Variants in ZC3H13 observed in about 807,000 individuals in gnomAD.
The protein encoded by ZC3H13 is zinc finger CCCH domain-containing protein 13.
Under a neutral mutation model 204.1 loss-of-function variants are expected in ZC3H13, and 64 were observed. The observed-to-expected ratio is 0.31, with a 90% CI of 0.26 to 0.39. The LOEUF is 0.39. Among genes scored for constraint, ZC3H13 ranks in the 10% least tolerant of loss-of-function variants. The probability of loss-of-function intolerance (pLI) is 1.00; values close to 1 mark genes in which losing one functional copy is unlikely to be tolerated. For missense variants in ZC3H13, 1,833 were observed against 2,082.7 expected, an observed-to-expected ratio of 0.88 and a Z score of 2.33; for synonymous variants, 667 against 693.7, an observed-to-expected ratio of 0.96 and a Z score of 0.60.
intron 14 of ZC3H13, 94 bp downstream of exon 14, chr13:45,968,654 A>G: frequency 1.4e-6 from 2 of 1,468,406 alleles, no homozygotes; most frequent in East Asian, 4.7e-5. Flanking sequence ...GGCAGCATGT[A>G]AAGTAACCAA....
intron 15 of ZC3H13, among the ~76,000 whole-genome samples, chr13:45,965,971 C>T (rs533483007): frequency 6.6e-6 from 1 of 152,236 alleles, no homozygotes; most frequent in South Asian, 2.1e-4. Context: ...CTCTCAACAT[C>T]TCAATTCCTC....
chr13:46,003,266 C>A lies in ZC3H13; in HGVS notation c.817G>T (p.Asp273Tyr), dbSNP rs1211244895. The change falls in exon 8 of 19, where the codon GAT becomes TAT. Residue 273 changes from aspartate to tyrosine, a missense_variant. Transcript: ENST00000679008. ...TPSPPPPIPE[D>Y]IALGKKYKEK... ...TTGTATTTTTTCCCCAGAGCGATAT[C>A]TTCTGGTATAGGAGGGGGTGGACTA... 1 of 1,612,932 alleles carries A rather than the reference C, an allele frequency of 6.2e-7. No individual in the cohort carries two copies. Among genetic ancestry groups the A allele is most frequent in the African/African-American group, 1.3e-5 (1 of 74,870 alleles).
At chr13:46,023,461 C>T (rs192473821) in intron 4 of ZC3H13, among the ~76,000 whole-genome samples, 2 of 152,236 alleles carry the variant, frequency 1.3e-5, no homozygotes, top group Admixed American at 1.3e-4. Context: ...GCCCTTTCTT[C>T]ATCATTCTGT....
intron 11 of ZC3H13, 44 bp downstream of exon 11, chr13:45,979,769 C>G: frequency 6.7e-7 from 1 of 1,493,748 alleles, no homozygotes; most frequent in Non-Finnish European, 8.9e-7. Flanking sequence ...ACAATTCGCC[C>G]AATTGATATT....
intron 17 of ZC3H13, among the ~76,000 whole-genome samples, chr13:45,961,858 CCACT>C (rs961510208): frequency 3.7e-4 from 56 of 151,552 alleles, no homozygotes; most frequent in Admixed American, 1.2e-3. Context: ...ATATATACAC[CCACT>C]AAGTACCCAT....
chr13:46,049,704 G>C (rs1449826843), intron 1 of ZC3H13, among the ~76,000 whole-genome samples: 1 of 152,098 alleles, frequency 6.6e-6, no homozygotes, highest in African/African-American at 2.4e-5. Flanking sequence ...AAAGGAAAAT[G>C]AACACCACAA....
In ZC3H13 at chr13:45,967,806, A is replaced by G; in HGVS notation, c.4019T>C (p.Leu1340Ser). The G allele has an allele frequency of 6.2e-7, 1 of 1,613,080 alleles. No individual in the cohort carries two copies. The highest frequency in any genetic ancestry group is 1.1e-5 in the South Asian group (1 of 91,006). The change falls in exon 15 of 19, where the codon TTG (leucine) becomes TCG (serine). Residue 1340 changes from leucine (L) to serine (S), a missense_variant. By Grantham distance (145) the Leu-to-Ser change is moderately radical. Coordinates refer to ENST00000679008, the MANE Select transcript of ZC3H13 (RefSeq NM_001330564.2). Reference protein sequence around the residue: ...DWPRNRDRDRLRERERERERD... With the variant: ...DWPRNRDRDRSRERERERERD... ...TTCTCTCTCTCGTTCTCGTTCTCGC[A>G]ATCTATCTCGATCCCTGTTGCGTGG...
intron 8 of ZC3H13, among the ~76,000 whole-genome samples, chr13:45,990,387 G>A (rs1359852990): frequency 6.6e-6 from 1 of 152,064 alleles, no homozygotes; most frequent in Non-Finnish European, 1.5e-5. Context: ...TACTAAGTCA[G>A]GAATGTGATC....
chr13:46,020,580 T>C, intron 4 of ZC3H13, 23 bp from the exon 5 acceptor site: 1 of 1,459,862 alleles, frequency 6.8e-7, no homozygotes. Flanking sequence ...ATACATACAT[T>C]CAGATTACTA....
intron 4 of ZC3H13, among the ~76,000 whole-genome samples, chr13:46,029,485 G>A (rs1444360998): frequency 1.4e-5 from 2 of 146,410 alleles, no homozygotes; most frequent in African/African-American, 5.1e-5. Context: ...CTGGAGTGCA[G>A]TGGCGCGATC....
At chr13:46,026,746 C>T (rs78114150) in intron 4 of ZC3H13, among the ~76,000 whole-genome samples, 7,630 of 152,062 alleles carry the variant, frequency 0.05, 273 homozygotes, top group Middle Eastern at 0.11. Flanking sequence ...GGAGAACTTC[C>T]CGAAAATAAC....
intron 4 of ZC3H13, among the ~76,000 whole-genome samples, chr13:46,031,253 GA>G (rs1339846022): frequency 6.6e-6 from 1 of 151,762 alleles, no homozygotes; most frequent in African/African-American, 2.4e-5. Flanking sequence ...TAAATAAAAA[GA>G]ATCTAGACAT....
chr13:45,987,330 T>C (rs117910110), intron 9 of ZC3H13, among the ~76,000 whole-genome samples: 2,535 of 152,320 alleles, frequency 0.017, 34 homozygotes, highest in Non-Finnish European at 0.027. Flanking sequence ...CTCAATTGCT[T>C]ATTATTTTCC....
chr13:45,973,396 T>C (rs547024621), intron 12 of ZC3H13, among the ~76,000 whole-genome samples: 7 of 152,340 alleles, frequency 4.6e-5, no homozygotes, highest in Admixed American at 1.3e-4. Context: ...ACTTCTAAAT[T>C]TCTGGGGTCA....
intron 4 of ZC3H13, among the ~76,000 whole-genome samples, chr13:46,033,768 G>A (rs947174677): frequency 6.6e-6 from 1 of 151,928 alleles, no homozygotes; most frequent in Admixed American, 6.6e-5. Context: ...GATCTTCAGA[G>A]AAACAAAGAA....
At chr13:45,966,711 T>C (rs1254051054) in intron 15 of ZC3H13, among the ~76,000 whole-genome samples, 1 of 152,140 alleles carries the variant, frequency 6.6e-6, no homozygotes, top group African/African-American at 2.4e-5. Context: ...ATACTCAAAA[T>C]TGAGATGAAA....
chr13:45,959,294 C>T (rs903419677), intron 18 of ZC3H13, among the ~76,000 whole-genome samples, 189 bp downstream of exon 18: 1 of 152,050 alleles, frequency 6.6e-6, no homozygotes, highest in African/African-American at 2.4e-5. Flanking sequence ...AAACAAAATT[C>T]ATTAATACTG....
At chr13:46,015,020 T>C (rs763183782) in intron 5 of ZC3H13, among the ~76,000 whole-genome samples, 4 of 152,218 alleles carry the variant, frequency 2.6e-5, no homozygotes, top group Admixed American at 6.5e-5. Context: ...ATGAACATTT[T>C]GATATATACT....
chr13:45,995,776 C>A (rs1405200765), intron 8 of ZC3H13, among the ~76,000 whole-genome samples: 1 of 152,190 alleles, frequency 6.6e-6, no homozygotes, highest in Non-Finnish European at 1.5e-5. Flanking sequence ...GTTTGTACGG[C>A]CTGCAGAACC....
Sources: allele counts gnomAD v4.1 joint callset (sites outside exome capture counted in the v4.1 genomes callset), GRCh38; gene constraint gnomAD v4.1.1; transcripts MANE v1.5; gene names NCBI Gene and HGNC (gene_info 2026-07-23, HGNC 2026-07-21).